ZCCHC17: variants seen among roughly 807,000 people sequenced by gnomAD.
ZCCHC17 encodes zinc finger CCHC-type containing 17, also known as zinc finger CCHC domain-containing protein 17.
In ZCCHC17, 18 loss-of-function variants were observed where a neutral mutation model predicts 30.6. The ratio of observed to expected loss-of-function variants is 0.59; its 90% CI spans 0.41 to 0.87. The LOEUF (loss-of-function observed/expected upper bound fraction) is 0.87, where lower values mean the gene tolerates loss of function less well. Among genes scored for constraint, ZCCHC17 ranks in the 40% least tolerant of loss-of-function variants. The probability of loss-of-function intolerance (pLI) is 0.00; values close to 1 mark genes in which losing one functional copy is unlikely to be tolerated. For missense variants in ZCCHC17, 263 were observed against 284.2 expected (o/e 0.93, Z 0.54); for synonymous variants, 88 against 92.4 (o/e 0.95, Z 0.27).
chr1:31,304,705 C>T (rs1464629918), intron 1 of ZCCHC17, among the ~76,000 whole-genome samples: 4 of 151,974 alleles, frequency 2.6e-5, no homozygotes, highest in Admixed American at 2.0e-4. Context: ...ATGCCATTCT[C>T]CTGCCTCAGC....
intron 1 of ZCCHC17, among the ~76,000 whole-genome samples, chr1:31,306,347 A>G (rs993951547): frequency 2.6e-5 from 4 of 152,302 alleles, no homozygotes; most frequent in South Asian, 2.1e-4. Flanking sequence ...AGATACTTCA[A>G]CAGTCAGTCT....
At chr1:31,303,640 A>G (rs1646373600) in intron 1 of ZCCHC17, among the ~76,000 whole-genome samples, 1 of 152,138 alleles carries the variant, frequency 6.6e-6, no homozygotes, top group Non-Finnish European at 1.5e-5. Context: ...TCCCAGTTGC[A>G]TGTGTACTTT....
intron 1 of ZCCHC17, among the ~76,000 whole-genome samples, chr1:31,297,420 T>C (rs991527957): frequency 6.6e-6 from 1 of 152,198 alleles, no homozygotes; most frequent in African/African-American, 2.4e-5. Context: ...GCCACTGATT[T>C]TGCAGTTTTT....
intron 1 of ZCCHC17, among the ~76,000 whole-genome samples, chr1:31,298,377 G>GTTTTTTTT (rs59616986): frequency 1.4e-5 from 2 of 145,632 alleles, no homozygotes; most frequent in Admixed American, 6.8e-5. Context: ...TTAGAGACCA[G>GTTTTTTTT]TTTTTTTTTG....
intron 7 of ZCCHC17, among the ~76,000 whole-genome samples, chr1:31,353,250 A>AT (rs1639532186): frequency 6.6e-6 from 1 of 152,094 alleles, no homozygotes; most frequent in African/African-American, 2.4e-5. Flanking sequence ...ATATGTAGGA[A>AT]TTTTTTATAT....
chr1:31,306,574 C>A (rs1646463273), intron 1 of ZCCHC17, among the ~76,000 whole-genome samples: 3 of 152,162 alleles, frequency 2.0e-5, no homozygotes, highest in Non-Finnish European at 2.9e-5. Flanking sequence ...TGTTTTTGGA[C>A]CGTGGTAGAC....
intron 1 of ZCCHC17, among the ~76,000 whole-genome samples, chr1:31,298,047 C>T (rs1023361213): frequency 1.3e-5 from 2 of 152,190 alleles, no homozygotes; most frequent in African/African-American, 4.8e-5. Context: ...GGACTTGATC[C>T]CTCAGGCTCA....
chr1:31,347,483 G>C (rs962999059), intron 6 of ZCCHC17, among the ~76,000 whole-genome samples: 2 of 152,196 alleles, frequency 1.3e-5, no homozygotes, highest in Admixed American at 1.3e-4. Context: ...GAGGGGAGAA[G>C]GAAAAAATAA....
chr1:31,337,278 A>C lies in ZCCHC17; in HGVS notation c.225+3A>C, dbSNP rs1474712165. The C allele has an allele frequency of 6.2e-7, 1 of 1,613,416 alleles. No homozygotes were observed. Among genetic ancestry groups the C allele is most frequent in the Non-Finnish European group, 8.5e-7 (1 of 1,179,372 alleles). On this transcript the variant is annotated splice_donor_region_variant and intron_variant, in intron 4 of 7. Coordinates refer to ENST00000344147, the MANE Select transcript of ZCCHC17 (RefSeq NM_016505.4). ...GGGTGAAGCTTATTGGCCGAGAGGT[A>C]AAGTTCTGTGCGGCTCCCTTGTGGT...
intron 3 of ZCCHC17, among the ~76,000 whole-genome samples, chr1:31,322,613 A>G (rs11576621): frequency 0.54 from 82,610 of 151,950 alleles, 23,361 homozygotes; most frequent in Non-Finnish European, 0.62. Context: ...AGGGGTTTAT[A>G]TGGAGGATCT....
intron 3 of ZCCHC17, among the ~76,000 whole-genome samples, chr1:31,319,648 C>T (rs1249822391): frequency 6.6e-6 from 1 of 152,040 alleles, no homozygotes; most frequent in Admixed American, 6.6e-5. Context: ...AATCTATAAT[C>T]TTATTTATTT....
chr1:31,363,210 G>A lies in ZCCHC17; in HGVS notation c.565-822G>A, dbSNP rs1639989206. Among the ~76,000 whole-genome samples, 3 of 144,734 alleles carry A rather than the reference G, an allele frequency of 2.1e-5. No homozygotes were observed. The South Asian group carries it at 6.6e-4, about 32-fold the overall frequency. 95.0% of individuals were successfully genotyped at this position (144,734 alleles called of 152,430 possible). A position where few individuals can be genotyped will look rare whatever the true frequency, so the allele number is the denominator to read the frequency against. ...TTTTTTTTTTTTTTTTTGAGACGGA[G>A]TCTCGCTCTGTCGCCAAGGCTGGAG... is the stretch of plus-strand genomic sequence containing the variant. On this transcript the variant is annotated intron_variant, in intron 7 of 7. Transcript: ENST00000344147.
At chr1:31,356,749 C>T (rs1639657193) in intron 7 of ZCCHC17, among the ~76,000 whole-genome samples, 1 of 152,212 alleles carries the variant, frequency 6.6e-6, no homozygotes, top group South Asian at 2.1e-4. Context: ...TATTGAATGC[C>T]TTTTCCCACA....
At chr1:31,322,582 A>G (rs1003546226) in intron 3 of ZCCHC17, among the ~76,000 whole-genome samples, 5 of 151,988 alleles carry the variant, frequency 3.3e-5, no homozygotes, top group African/African-American at 1.2e-4. Flanking sequence ...GTGTTCACCA[A>G]CTCTCCAAAC....
chr1:31,349,658 C>T (rs917338264), intron 7 of ZCCHC17, among the ~76,000 whole-genome samples: 3 of 152,110 alleles, frequency 2.0e-5, no homozygotes, highest in African/African-American at 7.2e-5. Context: ...ATAATAAATA[C>T]AGATATATAT....
At chr1:31,335,091 C>T (rs948671668) in intron 3 of ZCCHC17, among the ~76,000 whole-genome samples, 1 of 152,082 alleles carries the variant, frequency 6.6e-6, no homozygotes, top group Non-Finnish European at 1.5e-5. Flanking sequence ...TGTTTCTGCC[C>T]CTTGTCTCTT....
chr1:31,360,140 C>T (rs1254050340), intron 7 of ZCCHC17, among the ~76,000 whole-genome samples: 7 of 151,972 alleles, frequency 4.6e-5, no homozygotes, highest in Non-Finnish European at 7.4e-5. Context: ...CCACCACGCC[C>T]GGCTAATTTT....
At chr1:31,308,494 G>A (rs10914349) in intron 1 of ZCCHC17, among the ~76,000 whole-genome samples, 127 of 152,294 alleles carry the variant, frequency 8.3e-4, no homozygotes, top group African/African-American at 3.0e-3. Context: ...AGCAGTGGGG[G>A]TTGAGGAGAG....
intron 3 of ZCCHC17, among the ~76,000 whole-genome samples, chr1:31,323,681 T>G (rs1054164408): frequency 5.9e-5 from 9 of 152,310 alleles, no homozygotes; most frequent in African/African-American, 2.2e-4. Flanking sequence ...AAAAATTTTT[T>G]TTCACATAGG....
Sources: allele counts gnomAD v4.1 joint callset (sites outside exome capture counted in the v4.1 genomes callset), GRCh38; gene constraint gnomAD v4.1.1; transcripts MANE v1.5; gene names NCBI Gene and HGNC (gene_info 2026-07-23, HGNC 2026-07-21).